RFC3: variants seen among roughly 807,000 people sequenced by gnomAD.
The protein encoded by RFC3 is replication factor C subunit 3.
RFC3 carries 41 observed loss-of-function variants against 45.1 expected under a neutral mutation model. That is an observed-to-expected ratio of 0.91 (90% CI 0.71 to 1.18). The LOEUF is 1.18. Among genes scored for constraint, RFC3 ranks in the 50% most tolerant of loss-of-function variants. The probability of loss-of-function intolerance (pLI) is 0.00; values close to 1 mark genes in which losing one functional copy is unlikely to be tolerated. For missense variants in RFC3, 423 were observed against 428.1 expected, an observed-to-expected ratio of 0.99 and a Z score of 0.10; for synonymous variants, 149 against 144.0, an observed-to-expected ratio of 1.03 and a Z score of -0.25.
intron 8 of RFC3, among the ~76,000 whole-genome samples, chr13:33,901,302 A>G (rs944830544): frequency 7.9e-5 from 12 of 152,102 alleles, no homozygotes; most frequent in Admixed American, 2.6e-4. Flanking sequence ...GTGCCCATCA[A>G]TGGATGAATG....
At chr13:33,840,274 C>T (rs2082188255), downstream of RFC3, among the ~76,000 whole-genome samples, 1 of 152,168 alleles carries the variant, frequency 6.6e-6, no homozygotes, top group African/African-American at 2.4e-5. Context: ...TTTTTCCTAG[C>T]TTTTTTCTCA....
At chr13:33,863,659 T>G (rs1035519047) in intron 8 of RFC3, among the ~76,000 whole-genome samples, 9 of 152,228 alleles carry the variant, frequency 5.9e-5, no homozygotes, top group Admixed American at 2.6e-4. Context: ...CCTGGTACAA[T>G]GACATCATTC....
intron 8 of RFC3, among the ~76,000 whole-genome samples, chr13:33,918,951 G>A (rs140624969): frequency 1.3e-5 from 2 of 152,056 alleles, no homozygotes; most frequent in African/African-American, 4.8e-5. Context: ...TCTGTAATTC[G>A]AAGTGATCAC....
the RFC3 span, among the ~76,000 whole-genome samples, chr13:33,976,678 A>C: frequency 6.6e-6 from 1 of 152,182 alleles, no homozygotes; most frequent in African/African-American, 2.4e-5. Flanking sequence ...GTACCCCCAA[A>C]ATATGTACAA....
intron 8 of RFC3, 145 bp downstream of exon 8, chr13:33,835,362 T>C (rs1254241804): frequency 1.3e-6 from 1 of 746,370 alleles, no homozygotes; most frequent in African/African-American, 1.7e-5. Context: ...CTCTATGGTG[T>C]GCCAGGCACT....
intron 8 of RFC3, among the ~76,000 whole-genome samples, chr13:33,950,072 TACACACAC>T (rs71196530): frequency 4.1e-5 from 6 of 144,934 alleles, no homozygotes; most frequent in African/African-American, 1.0e-4. Flanking sequence ...TCTCTCGCTC[TACACACAC>T]ACACACACAC....
chr13:33,852,932 C>T (rs990464180), intron 8 of RFC3, among the ~76,000 whole-genome samples: 3 of 152,120 alleles, frequency 2.0e-5, no homozygotes, highest in Non-Finnish European at 4.4e-5. Context: ...CAACCTTGTC[C>T]TAAATTGAGA....
rs773585907 is a variant in RFC3 at position 33,821,274 on chromosome 13, G to A, written c.225+5G>A. Reference sequence around the variant, plus strand: ...ATTGAACATCAGACCATCACAGTAAGCATTTCACTTTGAGGCCCTGAAAGT... The same window carrying A: ...ATTGAACATCAGACCATCACAGTAAACATTTCACTTTGAGGCCCTGAAAGT... On this transcript the variant is annotated splice_donor_5th_base_variant and intron_variant, in intron 2 of 8. Coordinates refer to ENST00000380071, the MANE Select transcript of RFC3 (RefSeq NM_002915.4). 1.9e-6 allele frequency: 3 copies of A among 1,612,690 alleles called. No individual in the cohort carries two copies.
At chr13:33,977,135 A>G in the RFC3 span, among the ~76,000 whole-genome samples, 1 of 152,198 alleles carries the variant, frequency 6.6e-6, no homozygotes, top group African/African-American at 2.4e-5. Context: ...AAACAATGAA[A>G]GTCTGAGAAA....
chr13:33,854,543 T>C (rs1256946689), intron 8 of RFC3, among the ~76,000 whole-genome samples: 1 of 152,188 alleles, frequency 6.6e-6, no homozygotes, highest in Non-Finnish European at 1.5e-5. Context: ...AGATGAATTA[T>C]GAATGAAGAA....
intron 8 of RFC3, among the ~76,000 whole-genome samples, chr13:33,924,143 T>G (rs982663339): frequency 5.3e-5 from 8 of 152,126 alleles, no homozygotes; most frequent in African/African-American, 1.9e-4. Flanking sequence ...CTCTAAAAGA[T>G]GCAATCAAGT....
At position 33,830,784 on chromosome 13, in the gene RFC3, T is replaced by C. The variant is rs778915032; in HGVS notation, c.639T>C (p.His213=). The change falls in exon 6 of 9, where the codon CAT becomes CAC. Residue 213 remains histidine (H), a synonymous_variant. Coordinates refer to ENST00000380071, the MANE Select transcript of RFC3 (RefSeq NM_002915.4). The part of the protein sequence containing the change: ...EGLNLPSQLA[H]RLAEKSCRNL... ...TGAATCTTCCTTCACAACTGGCTCA[T>C]AGACTTGCAGAGAAGTCTTGTAGAA... is the stretch of plus-strand genomic sequence containing the variant. 3.7e-6 allele frequency: 6 copies of C among 1,612,696 alleles called. No homozygotes were observed. Among genetic ancestry groups the C allele is most frequent in the Non-Finnish European group, 5.1e-6 (6 of 1,178,814 alleles).
intron 8 of RFC3, among the ~76,000 whole-genome samples, chr13:33,888,563 A>G (rs1374505714): frequency 1.3e-5 from 2 of 152,212 alleles, no homozygotes; most frequent in African/African-American, 4.8e-5. Context: ...TATACAATAG[A>G]TGCTCACAAA....
At chr13:33,932,373 G>A (rs2082858152) in intron 8 of RFC3, among the ~76,000 whole-genome samples, 1 of 152,016 alleles carries the variant, frequency 6.6e-6, no homozygotes, top group South Asian at 2.1e-4. Flanking sequence ...ACTTTCATTG[G>A]AATTGTCTTG....
At chr13:33,820,270 G>A (rs2081989678) in intron 1 of RFC3, among the ~76,000 whole-genome samples, 1 of 152,178 alleles carries the variant, frequency 6.6e-6, no homozygotes, top group Non-Finnish European at 1.5e-5. Context: ...CACACAGACT[G>A]ACTTCTGACT....
chr13:33,943,632 A>G (rs2082937824), intron 8 of RFC3, among the ~76,000 whole-genome samples: 1 of 152,182 alleles, frequency 6.6e-6, no homozygotes, highest in African/African-American at 2.4e-5. Flanking sequence ...TCAGTCAAAA[A>G]TAAAAGATGT....
chr13:33,821,880 C>G (rs1003496135), intron 2 of RFC3, among the ~76,000 whole-genome samples: 1 of 152,182 alleles, frequency 6.6e-6, no homozygotes, highest in Non-Finnish European at 1.5e-5. Context: ...GTAGTTTGTA[C>G]TTTTAATAGT....
At chr13:33,820,366 C>T (rs1310194177) in intron 1 of RFC3, among the ~76,000 whole-genome samples, 2 of 152,238 alleles carry the variant, frequency 1.3e-5, no homozygotes, top group African/African-American at 2.4e-5. Flanking sequence ...AATTAATGCT[C>T]TTTCTTTTCC....
chr13:33,964,147 A>G (rs928344265), intron 8 of RFC3, among the ~76,000 whole-genome samples: 4 of 152,198 alleles, frequency 2.6e-5, no homozygotes, highest in African/African-American at 4.8e-5. Flanking sequence ...CACAATCTAC[A>G]TAATGTGACA....
Sources: gnomAD v4.1 joint callset for allele counts (sites outside exome capture counted in the v4.1 genomes callset) on GRCh38, gnomAD v4.1.1 for gene constraint, MANE v1.5 for transcripts, NCBI Gene and HGNC (gene_info 2026-07-23, HGNC 2026-07-21) for gene names.